Variants in PLCB1 observed in about 807,000 individuals in gnomAD.
The protein encoded by PLCB1 is phospholipase C beta 1.
PLCB1 carries 46 observed loss-of-function variants against 161.8 expected under a neutral mutation model. The observed-to-expected ratio is 0.28, with a 90% CI of 0.22 to 0.36. The LOEUF (loss-of-function observed/expected upper bound fraction) is 0.36, where lower values mean the gene tolerates loss of function less well. Among genes scored for constraint, PLCB1 ranks in the 10% least tolerant of loss-of-function variants. PLCB1 has a pLI of 1.00. For synonymous variants in PLCB1, 517 were observed against 503.7 expected, an observed-to-expected ratio of 1.03 and a Z score of -0.35; for missense variants, 1,016 against 1,472.5, an observed-to-expected ratio of 0.69 and a Z score of 5.07.
At chr20:8,545,698 C>G (rs1232818818) in intron 3 of PLCB1, among the ~76,000 whole-genome samples, 1 of 152,082 alleles carries the variant, frequency 6.6e-6, no homozygotes, top group African/African-American at 2.4e-5. Flanking sequence ...TCTCAAATTC[C>G]CAGCCAAAGT....
At chr20:8,489,659 C>G (rs1454644480) in intron 3 of PLCB1, among the ~76,000 whole-genome samples, 1 of 152,142 alleles carries the variant, frequency 6.6e-6, no homozygotes, top group African/African-American at 2.4e-5. Flanking sequence ...AGGGCCCACG[C>G]AGTACAGGAC....
intron 3 of PLCB1, among the ~76,000 whole-genome samples, chr20:8,581,993 T>C (rs6118257): frequency 0.059 from 8,924 of 152,266 alleles, 337 homozygotes; most frequent in Non-Finnish European, 0.076. Context: ...GTCATGCGAA[T>C]AGGTTGCAGT....
At chr20:8,549,196 T>C in intron 3 of PLCB1, among the ~76,000 whole-genome samples, 1 of 152,076 alleles carries the variant, frequency 6.6e-6, no homozygotes, top group East Asian at 1.9e-4. Context: ...AATAAATAAA[T>C]AAATATATAT....
At chr20:8,638,031 G>A (rs539910536) in intron 4 of PLCB1, among the ~76,000 whole-genome samples, 19 of 152,306 alleles carry the variant, frequency 1.2e-4, no homozygotes, top group African/African-American at 4.3e-4. Context: ...GAGTAGCTGG[G>A]ACTACAGGCA....
intron 2 of PLCB1, among the ~76,000 whole-genome samples, chr20:8,285,890 T>C (rs1273962678): frequency 6.6e-6 from 1 of 152,238 alleles, no homozygotes; most frequent in Admixed American, 6.5e-5. Context: ...AAACAATTTC[T>C]CTTCTCACTA....
intron 2 of PLCB1, among the ~76,000 whole-genome samples, chr20:8,200,009 T>C (rs1431466137): frequency 6.6e-6 from 1 of 152,138 alleles, no homozygotes; most frequent in Non-Finnish European, 1.5e-5. Flanking sequence ...GCAATTACCT[T>C]TAGAGTTCTT....
chr20:8,134,771 CCTT>C (rs1297802624), intron 1 of PLCB1, among the ~76,000 whole-genome samples: 1 of 151,928 alleles, frequency 6.6e-6, no homozygotes, highest in East Asian at 1.9e-4. Context: ...GAAAAGAGCT[CCTT>C]CTGAGCATTG....
chr20:8,501,448 G>C (rs1270916349), intron 3 of PLCB1, among the ~76,000 whole-genome samples: 8 of 152,190 alleles, frequency 5.3e-5, no homozygotes, highest in Admixed American at 5.2e-4. Context: ...AGTGCCCCAA[G>C]GCAGCGGGTC....
Position 8,415,038 on chromosome 20 carries a change from G to T in PLCB1, c.246+43588G>T, listed in dbSNP as rs139108319. Among the ~76,000 whole-genome samples, 491 of 152,304 alleles carry T rather than the reference G, an allele frequency of 3.2e-3. 10 individuals are homozygous for T. The highest frequency in any genetic ancestry group is 0.011 in the African/African-American group (462 of 41,576). ...TTAACCACCCATTCAGAAACACTGA[G>T]AATTCTTTATTGTTATCATGGGTGA... is the stretch of plus-strand genomic sequence containing the variant. On this transcript the variant is annotated intron_variant, in intron 3 of 31. Transcript: ENST00000338037.
At position 8,541,600 on chromosome 20, in the gene PLCB1, G is replaced by GAAAGAAAGAAAGAAATAAAGAAAT. The variant is rs1292981718; in HGVS notation, c.247-86686_247-86685insAAAGAAATAAAGAAATAAAGAAAG. On this transcript the variant is annotated intron_variant, in intron 3 of 31. Transcript: ENST00000338037. ...AGAAAGAAAGAAAGAAAGAAAGAAA[G>GAAAGAAAGAAAGAAATAAAGAAAT]AAAGAAAGGAAGGAAGATAGTAATG... 2.0e-3 allele frequency among the ~76,000 whole-genome samples: 306 copies of GAAAGAAAGAAAGAAATAAAGAAAT among 150,758 alleles called. 1 individual carries two copies. The highest frequency in any genetic ancestry group is 4.1e-3 in the Admixed American group (62 of 15,052).
rs1555805553 is a variant in PLCB1, at chr20:8,425,134, T to TG, written c.246+53684_246+53685insG. Among the ~76,000 whole-genome samples, 694 of 151,170 alleles carry TG rather than the reference T, an allele frequency of 4.6e-3. 11 individuals carry two copies. Among genetic ancestry groups the TG allele is most frequent in the African/African-American group, 0.015 (636 of 41,124 alleles). On this transcript the variant is annotated intron_variant, in intron 3 of 31. Transcript: ENST00000338037. ...CAATGACCTGCATTCTGAGGTGTTT[T>TG]TTTTTTTTTTTTAACTTAAGATACA...
At chr20:8,192,629 A>C (rs1168857180) in intron 2 of PLCB1, among the ~76,000 whole-genome samples, 2 of 151,894 alleles carry the variant, frequency 1.3e-5, no homozygotes, top group East Asian at 3.9e-4. Context: ...CACTGTACTC[A>C]CATCATTTAC....
chr20:8,412,772 G>A (rs2136279), intron 3 of PLCB1, among the ~76,000 whole-genome samples: 11 of 151,934 alleles, frequency 7.2e-5, no homozygotes, highest in Non-Finnish European at 1.2e-4. Flanking sequence ...TAGTTATTTG[G>A]TTTGGCCTTG....
intron 31 of PLCB1, among the ~76,000 whole-genome samples, chr20:8,875,299 A>G (rs1203237185): frequency 5.3e-5 from 8 of 150,406 alleles, no homozygotes. Flanking sequence ...AATCACAATT[A>G]TACTTTTGGC....
chr20:8,628,659 G>A (rs1242722744), intron 4 of PLCB1: 6 of 445,908 alleles, frequency 1.3e-5, no homozygotes, highest in African/African-American at 5.9e-5. Flanking sequence ...ATTTGGCCGG[G>A]CACGGTGGCT....
chr20:8,219,806 A>ATTG (rs1292185207), intron 2 of PLCB1, among the ~76,000 whole-genome samples: 1 of 152,192 alleles, frequency 6.6e-6, no homozygotes, highest in Non-Finnish European at 1.5e-5. Context: ...AAGAATTTGA[A>ATTG]TTGTTATATG....
chr20:8,472,763 G>T (rs1159040747), intron 3 of PLCB1, among the ~76,000 whole-genome samples: 1 of 152,098 alleles, frequency 6.6e-6, no homozygotes, highest in Non-Finnish European at 1.5e-5. Context: ...CAATTAGAGT[G>T]CTCGATTATG....
chr20:8,768,526 G>A (rs946790002), intron 26 of PLCB1, among the ~76,000 whole-genome samples: 4 of 152,122 alleles, frequency 2.6e-5, no homozygotes, highest in Admixed American at 1.3e-4. Flanking sequence ...GAAGTTTACC[G>A]GGATGTTATT....
chr20:8,781,629 G>A (rs547006589), intron 27 of PLCB1, among the ~76,000 whole-genome samples: 11 of 152,026 alleles, frequency 7.2e-5, no homozygotes, highest in Admixed American at 1.3e-4. Flanking sequence ...GTTTTCACAT[G>A]GCTGATAAAG....
Sources: gnomAD v4.1 joint callset for allele counts (sites outside exome capture counted in the v4.1 genomes callset) on GRCh38, gnomAD v4.1.1 for gene constraint, MANE v1.5 for transcripts, NCBI Gene and HGNC (gene_info 2026-07-23, HGNC 2026-07-21) for gene names.